Variants in UBAC2 observed in about 807,000 individuals in gnomAD.
The protein encoded by UBAC2 is ubiquitin-associated domain-containing protein 2.
A neutral mutation model predicts 44.0 loss-of-function variants in UBAC2; 26 were observed. The observed-to-expected ratio is 0.59, with a 90% CI of 0.43 to 0.82. The LOEUF (loss-of-function observed/expected upper bound fraction) is 0.82, where lower values mean the gene tolerates loss of function less well. UBAC2 is among the 40% of genes least tolerant of loss of function. The pLI is 0.00. For missense variants in UBAC2, 329 were observed against 419.4 expected (o/e 0.78, Z 1.88); for synonymous variants, 155 against 154.3 (o/e 1.00, Z -0.04).
At chr13:99,217,029 C>T (rs2043004190) in intron 1 of UBAC2, among the ~76,000 whole-genome samples, 1 of 152,048 alleles carries the variant, frequency 6.6e-6, no homozygotes, top group African/African-American at 2.4e-5. Flanking sequence ...CGGGGTTTCA[C>T]CATGTTGGCC....
intron 6 of UBAC2, among the ~76,000 whole-genome samples, chr13:99,332,684 G>T (rs2044733037): frequency 6.6e-6 from 1 of 152,132 alleles, no homozygotes; most frequent in South Asian, 2.1e-4. Context: ...GTCTTCCCGG[G>T]CATATGCTCT....
chr13:99,384,680 G>A (rs1205183663), intron 8 of UBAC2, among the ~76,000 whole-genome samples: 1 of 152,260 alleles, frequency 6.6e-6, no homozygotes, highest in Non-Finnish European at 1.5e-5. Context: ...TGGCAGTGAC[G>A]CCAGGAGTGC....
intron 6 of UBAC2, among the ~76,000 whole-genome samples, chr13:99,320,718 A>G (rs929481520): frequency 3.3e-5 from 5 of 152,194 alleles, no homozygotes; most frequent in African/African-American, 4.8e-5. Flanking sequence ...CATTTTTATT[A>G]TGAAATATTT....
chr13:99,219,562 T>C (rs546714955), intron 1 of UBAC2, among the ~76,000 whole-genome samples: 2 of 152,192 alleles, frequency 1.3e-5, no homozygotes, highest in Non-Finnish European at 2.9e-5. Context: ...TTGTAAACTT[T>C]CTTAAAACAT....
At chr13:99,338,532 G>C (rs1486805221) in intron 6 of UBAC2, among the ~76,000 whole-genome samples, 1 of 152,216 alleles carries the variant, frequency 6.6e-6, no homozygotes, top group African/African-American at 2.4e-5. Flanking sequence ...TATATGCAGA[G>C]TGGTTTATAA....
At chr13:99,211,431 T>C (rs986189222) in intron 1 of UBAC2, among the ~76,000 whole-genome samples, 9 of 152,236 alleles carry the variant, frequency 5.9e-5, no homozygotes, top group African/African-American at 1.7e-4. Flanking sequence ...AAAGAATCAT[T>C]ATTTAAACAA....
At chr13:99,325,316 G>T (rs2044626219) in intron 6 of UBAC2, among the ~76,000 whole-genome samples, 2 of 152,012 alleles carry the variant, frequency 1.3e-5, no homozygotes, top group Admixed American at 1.3e-4. Flanking sequence ...TGTTAGGCAG[G>T]ATGGTCTTGA....
chr13:99,306,330 A>C (rs1415725392), intron 4 of UBAC2, among the ~76,000 whole-genome samples: 1 of 152,190 alleles, frequency 6.6e-6, no homozygotes, highest in Admixed American at 6.5e-5. Context: ...GCAATGTTGT[A>C]AGGACTTGGC....
At chr13:99,220,672 C>T (rs2043043509) in intron 1 of UBAC2, among the ~76,000 whole-genome samples, 1 of 152,186 alleles carries the variant, frequency 6.6e-6, no homozygotes, top group Non-Finnish European at 1.5e-5. Context: ...AAAGGATCTC[C>T]TGCAGAGAAG....
intron 4 of UBAC2, chr13:99,255,127 T>G: frequency 6.2e-7 from 1 of 1,614,110 alleles, no homozygotes; most frequent in African/African-American, 1.3e-5. Flanking sequence ...GAAACAGATG[T>G]GGAAGGGCAT....
chr13:99,262,710 CAAAAAAAAAAAAAA>C (rs61627160), intron 4 of UBAC2, among the ~76,000 whole-genome samples: 6 of 57,158 alleles, frequency 1.0e-4, no homozygotes, highest in Non-Finnish European at 1.6e-4. Context: ...AACTCCCTCT[CAAAAAAAAAAAAAA>C]AAAAAAAAAA....
intron 1 of UBAC2, among the ~76,000 whole-genome samples, chr13:99,228,496 G>A (rs1295162358): frequency 6.6e-6 from 1 of 152,060 alleles, no homozygotes; most frequent in Non-Finnish European, 1.5e-5. Flanking sequence ...GCTTCACGAT[G>A]TTGGCCAGGC....
At chr13:99,293,030 G>A (rs577717903) in intron 4 of UBAC2, among the ~76,000 whole-genome samples, 2 of 152,286 alleles carry the variant, frequency 1.3e-5, no homozygotes, top group South Asian at 4.1e-4. Context: ...TATGAACAGT[G>A]GCTTGATGAG....
intron 4 of UBAC2, among the ~76,000 whole-genome samples, chr13:99,250,282 A>G (rs1353284954): frequency 6.6e-6 from 1 of 152,246 alleles, no homozygotes; most frequent in Non-Finnish European, 1.5e-5. Flanking sequence ...GCATATGACT[A>G]GCCAGCTATC....
chr13:99,218,494 CT>C (rs35419383), intron 1 of UBAC2, among the ~76,000 whole-genome samples: 30,157 of 145,268 alleles, frequency 0.21, 3,358 homozygotes, highest in Middle Eastern at 0.36. Context: ...CTTTCCTGAC[CT>C]TTTTTTTTTT....
At chr13:99,332,327 A>G (rs572116040) in intron 6 of UBAC2, among the ~76,000 whole-genome samples, 10 of 152,208 alleles carry the variant, frequency 6.6e-5, no homozygotes, top group Non-Finnish European at 1.3e-4. Flanking sequence ...TTTTCTACCC[A>G]GCAAATTAAA....
intron 1 of UBAC2, among the ~76,000 whole-genome samples, chr13:99,204,941 G>C (rs1365551382): frequency 1.7e-5 from 2 of 119,490 alleles, no homozygotes. Context: ...GTCTTGCTCT[G>C]TCGCCAGGCT....
chr13:99,378,043 T>C (rs1322495891), intron 8 of UBAC2, among the ~76,000 whole-genome samples: 1 of 152,196 alleles, frequency 6.6e-6, no homozygotes, highest in African/African-American at 2.4e-5. Context: ...TTATCCAAAA[T>C]GCATGCTGCT....
At chr13:99,366,514 A>G (rs1284560669) in intron 7 of UBAC2, among the ~76,000 whole-genome samples, 1 of 152,238 alleles carries the variant, frequency 6.6e-6, no homozygotes, top group Non-Finnish European at 1.5e-5. Context: ...GAGACCATGA[A>G]TATAACAACA....
Sources: gnomAD v4.1 joint callset for allele counts (sites outside exome capture counted in the v4.1 genomes callset) on GRCh38, gnomAD v4.1.1 for gene constraint, MANE v1.5 for transcripts, NCBI Gene and HGNC (gene_info 2026-07-23, HGNC 2026-07-21) for gene names.